SHTN1: variants seen among roughly 807,000 people sequenced by gnomAD.
SHTN1 encodes shootin 1, also known as shootin-1.
A neutral mutation model predicts 83.1 loss-of-function variants in SHTN1; 42 were observed. The ratio of observed to expected loss-of-function variants is 0.51; its 90% CI spans 0.39 to 0.65. The LOEUF (loss-of-function observed/expected upper bound fraction) is 0.65. Among genes scored for constraint, SHTN1 ranks in the 30% least tolerant of loss-of-function variants. The pLI, the probability that SHTN1 is intolerant of heterozygous loss-of-function variation, is 0.00. For synonymous variants in SHTN1, 224 were observed against 247.7 expected (o/e 0.90, Z 0.90); for missense variants, 622 against 737.8 (o/e 0.84, Z 1.82).
chr10:117,056,859 T>C (rs1203833005), intron 1 of SHTN1, among the ~76,000 whole-genome samples: 2 of 152,038 alleles, frequency 1.3e-5, no homozygotes. Flanking sequence ...CAAAAACCCT[T>C]AGCAAACTAA....
chr10:116,942,260 T>C (rs901565265), intron 8 of SHTN1, among the ~76,000 whole-genome samples: 1 of 151,862 alleles, frequency 6.6e-6, no homozygotes, highest in Non-Finnish European at 1.5e-5. Context: ...GCACCCAGGC[T>C]GGAGTGCAGT....
At chr10:117,061,297 A>C (rs932319658) in intron 1 of SHTN1, among the ~76,000 whole-genome samples, 3 of 145,808 alleles carry the variant, frequency 2.1e-5, no homozygotes, top group African/African-American at 7.7e-5. Context: ...CACGCGTTCA[A>C]GCGATTCTCC....
At chr10:117,123,833 C>T (rs1287964986) in intron 1 of SHTN1, among the ~76,000 whole-genome samples, 2 of 149,350 alleles carry the variant, frequency 1.3e-5, no homozygotes, top group East Asian at 2.0e-4. Context: ...TGCTTGAACC[C>T]GAGAGGCAGT....
chr10:116,908,406 T>A (rs1848057334), intron 14 of SHTN1, among the ~76,000 whole-genome samples: 1 of 152,040 alleles, frequency 6.6e-6, no homozygotes, highest in South Asian at 2.1e-4. Context: ...TGTAGAAGAG[T>A]CACACCATAA....
intron 6 of SHTN1, among the ~76,000 whole-genome samples, chr10:116,950,586 T>C (rs1403666054): frequency 6.6e-6 from 1 of 152,172 alleles, no homozygotes; most frequent in Non-Finnish European, 1.5e-5. Flanking sequence ...CAGTAAATAA[T>C]CACAACTGAG....
intron 1 of SHTN1, among the ~76,000 whole-genome samples, chr10:117,079,821 T>C (rs1332073578): frequency 6.7e-6 from 1 of 148,320 alleles, no homozygotes; most frequent in Non-Finnish European, 1.5e-5. Flanking sequence ...GTTTTTTGGC[T>C]GCATAAATGT....
chr10:117,018,911 A>G (rs116247701), intron 2 of SHTN1, among the ~76,000 whole-genome samples: 2,446 of 152,112 alleles, frequency 0.016, 61 homozygotes, highest in African/African-American at 0.055. Flanking sequence ...TGGACATCCT[A>G]GCCAGTACAG....
In SHTN1 at chr10:116,945,030, A is replaced by G. The variant is rs200269041; in HGVS notation, c.617-12T>C. The G allele has an allele frequency of 3.7e-4, 531 of 1,448,672 alleles. 2 individuals carry two copies. The highest frequency in any genetic ancestry group is 1.2e-4 in the Non-Finnish European group (126 of 1,046,898). 89.7% of individuals were successfully genotyped at this position (1,448,672 alleles called of 1,614,324 possible). A position where few individuals can be genotyped will look rare whatever the true frequency, so the allele number is the denominator to read the frequency against. ...AGCTAACATGGACACTTAAGAAGAT[A>G]AAGGAAAAAAAAAACCCAGACAATA... On this transcript the variant is annotated splice_polypyrimidine_tract_variant and intron_variant, in intron 7 of 16. Coordinates refer to ENST00000355371, the MANE Select transcript of SHTN1 (RefSeq NM_001127211.3).
chr10:117,032,370 A>AT (rs1297724022), intron 2 of SHTN1, among the ~76,000 whole-genome samples: 1 of 151,942 alleles, frequency 6.6e-6, no homozygotes, highest in African/African-American at 2.4e-5. Flanking sequence ...TGCCCGGCTA[A>AT]TTTTTTATAT....
Position 116,954,197 on chromosome 10 carries a change from TTTTC to T in SHTN1, c.277_280del (p.Glu93IlefsTer4). ...CATGCTGATTCTTTTCAACGTTTTATTTTCTTTATTTAGCTAAGACAAAATATAA... is the reference window on the plus strand; with the variant it reads ...CATGCTGATTCTTTTCAACGTTTTATTTTATTTAGCTAAGACAAAATATAA... On this transcript the variant is annotated frameshift_variant, in exon 5 of 17. Transcript: ENST00000355371. LOFTEE classifies it high-confidence loss of function. The T allele has an allele frequency of 1.2e-6, 2 of 1,604,644 alleles. No individual in the cohort carries two copies. The highest frequency in any genetic ancestry group is 1.7e-6 in the Non-Finnish European group (2 of 1,176,382).
intron 4 of SHTN1, among the ~76,000 whole-genome samples, chr10:116,957,594 T>G (rs1850031238): frequency 6.6e-6 from 1 of 152,082 alleles, no homozygotes; most frequent in Non-Finnish European, 1.5e-5. Flanking sequence ...CAGAACCTAC[T>G]ATTATATTCA....
intron 1 of SHTN1, among the ~76,000 whole-genome samples, chr10:117,067,012 A>G (rs1367649677): frequency 6.6e-6 from 1 of 152,220 alleles, no homozygotes; most frequent in Non-Finnish European, 1.5e-5. Flanking sequence ...GCAAAATACA[A>G]AGACAAGTAG....
chr10:116,946,544 AATATATAAAATGATTTATATATAAAT>A (rs1849593001), intron 7 of SHTN1, among the ~76,000 whole-genome samples: 1 of 129,438 alleles, frequency 7.7e-6, no homozygotes, highest in Non-Finnish European at 1.6e-5. Flanking sequence ...TTTATATATA[AATATATAAAATGATTTATATATAAAT>A]ATATAAAATG....
Position 116,960,250 on chromosome 10 carries a change from A to C in SHTN1, c.173-20T>G, listed in dbSNP as rs1393325003. On this transcript the variant is annotated intron_variant, in intron 3 of 16. Transcript: ENST00000355371. The stretch of plus-strand genomic sequence containing the variant: ...GAGAAACTAGGAATGAGGGGGAAAA[A>C]AAATCTCAGCATTCAAAGATTAGTC... The C allele has an allele frequency of 9.5e-6, 13 of 1,362,940 alleles. No individual in the cohort carries two copies. The highest frequency in any genetic ancestry group is 1.8e-4 in the Middle Eastern group (1 of 5,608). 84.4% of individuals were successfully genotyped at this position (1,362,940 alleles called of 1,614,324 possible). A position where few individuals can be genotyped will look rare whatever the true frequency, so the allele number is the denominator to read the frequency against.
chr10:116,988,062 C>A (rs890687544), intron 1 of SHTN1, among the ~76,000 whole-genome samples: 1 of 151,982 alleles, frequency 6.6e-6, no homozygotes, highest in Non-Finnish European at 1.5e-5. Context: ...TTGTCCAAAC[C>A]CATAGAACGT....
chr10:116,993,017 C>CTTTTTTTTTTTTTTTTTTTTTTTTTTT (rs35364697), intron 1 of SHTN1, among the ~76,000 whole-genome samples: 2 of 121,202 alleles, frequency 1.7e-5, no homozygotes, highest in Non-Finnish European at 3.2e-5. Flanking sequence ...TCTTTTTTTT[C>CTTTTTTTTTTTTTTTTTTTTTTTTTTT]TTTTTTTTTT....
At chr10:117,063,147 C>G (rs1348553760) in intron 1 of SHTN1, among the ~76,000 whole-genome samples, 1 of 152,182 alleles carries the variant, frequency 6.6e-6, no homozygotes, top group African/African-American at 2.4e-5. Context: ...ATTATTGTCT[C>G]CCATTCCTAC....
chr10:117,118,943 G>T (rs1283386858), intron 1 of SHTN1, among the ~76,000 whole-genome samples: 1 of 151,892 alleles, frequency 6.6e-6, no homozygotes, highest in Non-Finnish European at 1.5e-5. Flanking sequence ...TAAAATAAAA[G>T]TTGGAAATCA....
At chr10:117,070,255 A>ATGTG (rs560096375) in intron 1 of SHTN1, among the ~76,000 whole-genome samples, 3 of 151,290 alleles carry the variant, frequency 2.0e-5, no homozygotes, top group Non-Finnish European at 4.4e-5. Flanking sequence ...TTCTATTCTT[A>ATGTG]TGTGTGTGTG....
Sources: allele counts gnomAD v4.1 joint callset (sites outside exome capture counted in the v4.1 genomes callset), GRCh38; gene constraint gnomAD v4.1.1; transcripts MANE v1.5; gene names NCBI Gene and HGNC (gene_info 2026-07-23, HGNC 2026-07-21).